Variants in SBF2 observed in about 807,000 individuals in gnomAD.
The protein encoded by SBF2 is SET binding factor 2.
A neutral mutation model predicts 225.2 loss-of-function variants in SBF2; 112 were observed. The observed-to-expected ratio is 0.50, with a 90% CI of 0.43 to 0.58. The LOEUF (loss-of-function observed/expected upper bound fraction) is 0.58. Ranked by LOEUF, SBF2 falls within the 20% of genes least tolerant of loss-of-function variation. The pLI, the probability that SBF2 is intolerant of heterozygous loss-of-function variation, is 0.00. For synonymous variants in SBF2, 763 were observed against 773.3 expected (o/e 0.99, Z 0.22); for missense variants, 1,996 against 2,206.2 (o/e 0.90, Z 1.91).
chr11:10,081,781 G>T (rs1350639601), intron 2 of SBF2, among the ~76,000 whole-genome samples: 1 of 143,316 alleles, frequency 7.0e-6, no homozygotes, highest in Non-Finnish European at 1.5e-5. Context: ...AAAAGAAAAA[G>T]AAATATTGCA....
chr11:10,254,605 C>CT (rs1287968038), intron 1 of SBF2, among the ~76,000 whole-genome samples: 2 of 145,984 alleles, frequency 1.4e-5, no homozygotes, highest in Non-Finnish European at 3.0e-5. Flanking sequence ...ACTATTCAGC[C>CT]TTTAAAAAAA....
At chr11:10,214,902 A>G (rs894185498) in intron 1 of SBF2, among the ~76,000 whole-genome samples, 1 of 152,206 alleles carries the variant, frequency 6.6e-6, no homozygotes, top group Non-Finnish European at 1.5e-5. Flanking sequence ...GATAAGAATC[A>G]GATGCTCACA....
At chr11:10,125,306 G>GGAT (rs935439972) in intron 2 of SBF2, among the ~76,000 whole-genome samples, 6 of 151,806 alleles carry the variant, frequency 4.0e-5, no homozygotes, top group African/African-American at 1.5e-4. Flanking sequence ...ACTTTGCTTA[G>GGAT]GATTTTTGCA....
At chr11:9,841,954 G>A (rs1856189830) in intron 25 of SBF2, among the ~76,000 whole-genome samples, 3 of 152,004 alleles carry the variant, frequency 2.0e-5, no homozygotes, top group Non-Finnish European at 4.4e-5. Flanking sequence ...CAAAACCACC[G>A]GTGACTGATT....
intron 16 of SBF2, among the ~76,000 whole-genome samples, chr11:9,937,651 T>C (rs145282876): frequency 1.4e-3 from 215 of 152,242 alleles, no homozygotes; most frequent in Non-Finnish European, 2.7e-3. Context: ...AAATAAATTG[T>C]ATAAAAACGG....
chr11:9,823,396 T>C (rs373124164), intron 28 of SBF2, among the ~76,000 whole-genome samples: 23 of 141,438 alleles, frequency 1.6e-4, no homozygotes, highest in African/African-American at 5.3e-4. Context: ...GGAAATAACA[T>C]AAGAAAACTT....
At chr11:10,203,238 A>C (rs1011613185) in intron 1 of SBF2, among the ~76,000 whole-genome samples, 1 of 152,196 alleles carries the variant, frequency 6.6e-6, no homozygotes, top group African/African-American at 2.4e-5. Flanking sequence ...AGGCTGAATG[A>C]AGCACACGAA....
chr11:10,137,109 T>TATG (rs1954401384), intron 2 of SBF2, among the ~76,000 whole-genome samples: 1 of 152,218 alleles, frequency 6.6e-6, no homozygotes, highest in Non-Finnish European at 1.5e-5. Flanking sequence ...AGCATATAAG[T>TATG]CCTGTATGTG....
chr11:10,072,816 C>T (rs932376240), intron 2 of SBF2, among the ~76,000 whole-genome samples: 3 of 150,410 alleles, frequency 2.0e-5, no homozygotes, highest in South Asian at 2.1e-4. Flanking sequence ...ACTGCTGCCT[C>T]GCCCTCCCAG....
chr11:9,902,565 T>A (rs541670713), intron 16 of SBF2, among the ~76,000 whole-genome samples: 5 of 152,340 alleles, frequency 3.3e-5, no homozygotes, highest in African/African-American at 1.2e-4. Flanking sequence ...AATAAGCCTC[T>A]TTAAAATATT....
intron 6 of SBF2, 26 bp downstream of exon 6, chr11:10,028,426 C>T (rs1949127247): frequency 5.2e-6 from 7 of 1,352,696 alleles, no homozygotes; most frequent in African/African-American, 2.9e-5. Context: ...TACAAGATGA[C>T]ATTGAAAATG....
chr11:9,848,845 G>A (rs1418146454), intron 22 of SBF2, among the ~76,000 whole-genome samples: 3 of 152,086 alleles, frequency 2.0e-5, no homozygotes, highest in Non-Finnish European at 2.9e-5. Flanking sequence ...GAACTGTTGC[G>A]CATTATATGG....
rs185238197 is a variant in SBF2, at chr11:9,935,630, C to T, written c.1860+26327G>A. Reference sequence around the variant, plus strand: ...AGATATATAGACCAATGGAACAGAACAGAGGCCTCAGAAATATCACCACAC... The same window carrying T: ...AGATATATAGACCAATGGAACAGAATAGAGGCCTCAGAAATATCACCACAC... On this transcript the variant is annotated intron_variant, in intron 16 of 39. Transcript: ENST00000256190. 2.7e-3 allele frequency among the ~76,000 whole-genome samples: 407 copies of T among 152,250 alleles called. 1 individual carries two copies. Among genetic ancestry groups the T allele is most frequent in the Middle Eastern group, 0.017 (5 of 294 alleles).
intron 1 of SBF2, among the ~76,000 whole-genome samples, chr11:10,216,612 G>A (rs534669539): frequency 2.1e-4 from 32 of 152,384 alleles, no homozygotes; most frequent in Non-Finnish European, 2.8e-4. Flanking sequence ...GCTCACGCCT[G>A]TAATCCCAGC....
intron 17 of SBF2, among the ~76,000 whole-genome samples, chr11:9,872,032 C>T (rs1858815469): frequency 6.6e-6 from 1 of 152,080 alleles, no homozygotes; most frequent in South Asian, 2.1e-4. Flanking sequence ...ATGTTCATTG[C>T]AGCACTATTA....
In SBF2 at chr11:10,043,000, A is replaced by G; in HGVS notation, c.142-19T>C. 1 of 1,611,274 alleles carries G rather than the reference A, an allele frequency of 6.2e-7. No homozygotes were observed. The highest frequency in any genetic ancestry group is 8.5e-7 in the Non-Finnish European group (1 of 1,177,900). On this transcript the variant is annotated intron_variant, in intron 2 of 39. Transcript: ENST00000256190. ...GACAAAACTAAATGAAATAGAAAAAAAAATGTAACATTTAAAAACAATAAA... is the reference window on the plus strand; with the variant it reads ...GACAAAACTAAATGAAATAGAAAAAGAAATGTAACATTTAAAAACAATAAA...
chr11:10,199,918 A>G (rs886756415), intron 1 of SBF2, among the ~76,000 whole-genome samples: 3 of 152,230 alleles, frequency 2.0e-5, no homozygotes, highest in African/African-American at 7.2e-5. Flanking sequence ...AAAATTAAAA[A>G]TAGAACTATC....
At chr11:10,009,712 A>G (rs558886838) in intron 6 of SBF2, among the ~76,000 whole-genome samples, 38 of 152,336 alleles carry the variant, frequency 2.5e-4, no homozygotes, top group African/African-American at 9.1e-4. Flanking sequence ...CAGTGCTGCA[A>G]TAAACATACG....
chr11:9,938,015 G>A (rs1479209963), intron 16 of SBF2, among the ~76,000 whole-genome samples: 2 of 150,930 alleles, frequency 1.3e-5, no homozygotes, highest in Non-Finnish European at 3.0e-5. Context: ...TTTCAGGGTC[G>A]GGCACGGTAG....
Sources: allele counts gnomAD v4.1 joint callset (sites outside exome capture counted in the v4.1 genomes callset), GRCh38; gene constraint gnomAD v4.1.1; transcripts MANE v1.5; gene names NCBI Gene and HGNC (gene_info 2026-07-23, HGNC 2026-07-21).